The following NTRK3 variants were observed in gnomAD, a reference collection of about 807,000 sequenced individuals.
NTRK3 encodes the protein neurotrophic receptor tyrosine kinase 3.
A neutral mutation model predicts 91.7 loss-of-function variants in NTRK3; 24 were observed. The observed-to-expected ratio is 0.26, with a 90% CI of 0.19 to 0.37. The LOEUF (loss-of-function observed/expected upper bound fraction) is 0.37. Ranked by LOEUF, NTRK3 falls within the 10% of genes least tolerant of loss-of-function variation. The pLI is 1.00. For synonymous variants in NTRK3, 483 were observed against 404.0 expected (o/e 1.20, Z -2.34); for missense variants, 880 against 1,068.9 (o/e 0.82, Z 2.46).
rs1041261517 is a variant in NTRK3 at position 88,028,356 on chromosome 15, C to T, written c.1585+4501G>A. Reference sequence around the variant, plus strand: ...CCTCAATAAACATGGATTAAATAGACAAAAGGGGAAAAATCAGCACAGTGG... The same window carrying T: ...CCTCAATAAACATGGATTAAATAGATAAAAGGGGAAAAATCAGCACAGTGG... On this transcript the variant is annotated intron_variant, in intron 14 of 18. Coordinates refer to ENST00000394480, the Ensembl canonical transcript of NTRK3. Among the ~76,000 whole-genome samples, 5 of 152,042 alleles carry T rather than the reference C, an allele frequency of 3.3e-5. No homozygotes were observed. The South Asian group carries it at 1.0e-3, about 32-fold the overall frequency.
intron 17 of NTRK3, among the ~76,000 whole-genome samples, chr15:87,901,597 A>G (rs1410430853): frequency 6.6e-6 from 1 of 152,254 alleles, no homozygotes; most frequent in Non-Finnish European, 1.5e-5. Flanking sequence ...CCCAGTGAAC[A>G]TGGATATAGA....
chr15:88,174,916 A>C (rs1159107924), intron 5 of NTRK3, among the ~76,000 whole-genome samples: 3 of 152,218 alleles, frequency 2.0e-5, no homozygotes, highest in Non-Finnish European at 4.4e-5. Context: ...CCAACAACCC[A>C]TAGCCACTGA....
intron 13 of NTRK3, among the ~76,000 whole-genome samples, chr15:88,087,199 A>G (rs2048579269): frequency 6.6e-6 from 1 of 152,326 alleles, no homozygotes; most frequent in East Asian, 1.9e-4. Context: ...CATGAAACGC[A>G]TGCGTGTGTG....
intron 14 of NTRK3, among the ~76,000 whole-genome samples, chr15:87,968,542 T>C (rs1036190740): frequency 2.0e-5 from 3 of 152,106 alleles, no homozygotes; most frequent in African/African-American, 7.2e-5. Context: ...AAAACAGGTC[T>C]AGGAAAGAAA....
At chr15:88,094,886 T>G (rs1293974931) in intron 13 of NTRK3, among the ~76,000 whole-genome samples, 1 of 152,266 alleles carries the variant, frequency 6.6e-6, no homozygotes, top group Non-Finnish European at 1.5e-5. Flanking sequence ...CTGTTTTAAC[T>G]CCATCGTAAC....
intron 13 of NTRK3, among the ~76,000 whole-genome samples, chr15:88,038,219 T>TGA (rs2079243970): frequency 1.8e-5 from 2 of 111,412 alleles, no homozygotes; most frequent in South Asian, 4.7e-4. Context: ...TCATCATGTC[T>TGA]TCTGATGTAT....
chr15:87,968,673 C>T (rs1188924465), intron 14 of NTRK3, among the ~76,000 whole-genome samples: 7 of 152,146 alleles, frequency 4.6e-5, no homozygotes, highest in Admixed American at 4.6e-4. Flanking sequence ...CCTAAACTGA[C>T]CAAAAGTTGA....
intron 17 of NTRK3, among the ~76,000 whole-genome samples, chr15:87,910,013 T>A (rs774564393): frequency 6.6e-6 from 1 of 152,104 alleles, no homozygotes; most frequent in Non-Finnish European, 1.5e-5. Flanking sequence ...GAGGGCCTCA[T>A]GCAAAGGTGG....
Position 87,864,006 on chromosome 15 carries a change from C to CACAT in NTRK3, c.*12928_*12929insATGT, listed in dbSNP as rs2064596864. 6 of 232,736 alleles carry CACAT rather than the reference C, an allele frequency of 2.6e-5. No homozygotes were observed. The Admixed American group carries it at 3.4e-4, about 13-fold the overall frequency. 14.4% of individuals were successfully genotyped at this position (232,736 alleles called of 1,614,324 possible). ...ACACACACACACATACACACACACA[C>CACAT]ACACACACACACACAGAATCTCAAA... On this transcript the variant is annotated 3_prime_UTR_variant, in exon 19 of 19. Coordinates refer to ENST00000394480, the Ensembl canonical transcript of NTRK3.
intron 14 of NTRK3, among the ~76,000 whole-genome samples, chr15:88,027,851 C>T (rs370559264): frequency 2.6e-5 from 4 of 152,136 alleles, no homozygotes; most frequent in South Asian, 2.1e-4. Context: ...ATTTGAGAAA[C>T]GGCAGGCTGA....
intron 17 of NTRK3, among the ~76,000 whole-genome samples, chr15:87,924,879 A>G (rs928863341): frequency 6.6e-6 from 1 of 152,154 alleles, no homozygotes; most frequent in Non-Finnish European, 1.5e-5. Context: ...CTGGAGCTCT[A>G]CATTAGTAGG....
At chr15:87,997,981 A>G (rs937096349) in intron 14 of NTRK3, among the ~76,000 whole-genome samples, 1 of 152,218 alleles carries the variant, frequency 6.6e-6, no homozygotes, top group African/African-American at 2.4e-5. Flanking sequence ...TCACAAAAAC[A>G]TCATGAGCTC....
At chr15:88,031,868 C>T (rs1449752530) in intron 14 of NTRK3, among the ~76,000 whole-genome samples, 3 of 152,154 alleles carry the variant, frequency 2.0e-5, no homozygotes, top group African/African-American at 4.8e-5. Context: ...CAAAAAGCGC[C>T]TCTTCCTAGG....
chr15:87,899,839 T>C (rs2066345819), intron 17 of NTRK3, among the ~76,000 whole-genome samples: 1 of 152,120 alleles, frequency 6.6e-6, no homozygotes, highest in African/African-American at 2.4e-5. Context: ...TGGAGCTGAA[T>C]TTCCCATCTG....
intron 17 of NTRK3, among the ~76,000 whole-genome samples, chr15:87,902,032 T>C (rs1408229495): frequency 6.6e-6 from 1 of 152,238 alleles, no homozygotes; most frequent in African/African-American, 2.4e-5. Context: ...ATCCTATAAA[T>C]GTGATTTATA....
At chr15:88,253,973 G>C (rs942076058) in intron 3 of NTRK3, among the ~76,000 whole-genome samples, 3 of 152,188 alleles carry the variant, frequency 2.0e-5, no homozygotes, top group Non-Finnish European at 2.9e-5. Context: ...TGGCTATAAA[G>C]AGCCTACGTG....
chr15:88,218,506 G>T (rs939708644), intron 3 of NTRK3, among the ~76,000 whole-genome samples: 1 of 152,194 alleles, frequency 6.6e-6, no homozygotes, highest in Non-Finnish European at 1.5e-5. Flanking sequence ...CTGTCCTGGG[G>T]ATTCAAGACA....
chr15:88,016,947 G>C (rs1451677986), intron 14 of NTRK3, among the ~76,000 whole-genome samples: 1 of 103,296 alleles, frequency 9.7e-6, no homozygotes, highest in East Asian at 3.2e-4. Context: ...AAATGGAAGA[G>C]ACGAAGCTTA....
intron 6 of NTRK3, among the ~76,000 whole-genome samples, chr15:88,143,689 C>T (rs2042609134): frequency 6.6e-6 from 1 of 152,154 alleles, no homozygotes; most frequent in Admixed American, 6.6e-5. Context: ...GAAATGATCA[C>T]TATAGTAATA....
Sources: allele counts gnomAD v4.1 joint callset (sites outside exome capture counted in the v4.1 genomes callset), GRCh38; gene constraint gnomAD v4.1.1; transcripts MANE v1.5; gene names NCBI Gene and HGNC (gene_info 2026-07-23, HGNC 2026-07-21).